TCF12: variants seen among roughly 807,000 people sequenced by gnomAD.
TCF12 encodes transcription factor 12.
In TCF12, 45 loss-of-function variants were observed where a neutral mutation model predicts 86.0. That is an observed-to-expected ratio of 0.52 (90% CI 0.41 to 0.67). The LOEUF (loss-of-function observed/expected upper bound fraction) is 0.67, where lower values mean the gene tolerates loss of function less well. Among genes scored for constraint, TCF12 ranks in the 30% least tolerant of loss-of-function variants. The pLI is 0.00. For missense variants in TCF12, 881 were observed against 859.9 expected (o/e 1.02, Z -0.31); for synonymous variants, 330 against 299.6 (o/e 1.10, Z -1.05).
chr15:57,004,002 G>A (rs957269749), intron 3 of TCF12, among the ~76,000 whole-genome samples: 2 of 152,202 alleles, frequency 1.3e-5, no homozygotes, highest in Admixed American at 1.3e-4. Flanking sequence ...TTCATTTTGA[G>A]GGATAGATGG....
chr15:57,263,993 T>C (rs1269952758), intron 18 of TCF12, among the ~76,000 whole-genome samples: 1 of 152,140 alleles, frequency 6.6e-6, no homozygotes, highest in Non-Finnish European at 1.5e-5. Flanking sequence ...TTGTAGACTT[T>C]ACAGACACTG....
At chr15:57,239,357 A>C (rs2059511331) in intron 12 of TCF12, among the ~76,000 whole-genome samples, 1 of 151,788 alleles carries the variant, frequency 6.6e-6, no homozygotes, top group Non-Finnish European at 1.5e-5. Context: ...ATCTCAAAAA[A>C]ACAAAGAGGA....
chr15:56,937,331 A>G (rs1220762878), intron 3 of TCF12, among the ~76,000 whole-genome samples: 2 of 149,854 alleles, frequency 1.3e-5, no homozygotes, highest in Non-Finnish European at 3.0e-5. Context: ...GTATACGTTA[A>G]TTTTGCTGAA....
At chr15:56,922,122 T>TA (rs2059821826) in intron 3 of TCF12, among the ~76,000 whole-genome samples, 1 of 151,968 alleles carries the variant, frequency 6.6e-6, no homozygotes, top group African/African-American at 2.4e-5. Context: ...TGAAAATTGT[T>TA]ACTTTTTGGG....
chr15:57,290,469 T>C (rs972800730), downstream of TCF12, among the ~76,000 whole-genome samples: 37 of 152,206 alleles, frequency 2.4e-4, no homozygotes, highest in Admixed American at 2.0e-3. Context: ...AAAGGATTTA[T>C]TAGGAGATGT....
intron 3 of TCF12, among the ~76,000 whole-genome samples, chr15:57,028,980 G>T (rs1428293161): frequency 6.6e-6 from 1 of 151,970 alleles, no homozygotes; most frequent in African/African-American, 2.4e-5. Context: ...TATATTTTTA[G>T]TAGAGACGGG....
intron 5 of TCF12, among the ~76,000 whole-genome samples, chr15:57,149,587 A>T (rs969329952): frequency 2.0e-4 from 31 of 152,382 alleles, no homozygotes; most frequent in African/African-American, 7.0e-4. Flanking sequence ...GCACAATATC[A>T]TAAAAACAGA....
intron 3 of TCF12, among the ~76,000 whole-genome samples, chr15:57,016,054 A>C (rs1364080369): frequency 6.6e-6 from 1 of 152,088 alleles, no homozygotes; most frequent in Non-Finnish European, 1.5e-5. Flanking sequence ...TACTTGGGGG[A>C]ATTTCCTGGA....
At chr15:56,993,781 A>G (rs991813626) in intron 3 of TCF12, among the ~76,000 whole-genome samples, 13 of 152,342 alleles carry the variant, frequency 8.5e-5, no homozygotes, top group African/African-American at 3.1e-4. Flanking sequence ...TAAAACAAAT[A>G]TATTACCAGT....
At chr15:56,974,400 T>G (rs1347195230) in intron 3 of TCF12, among the ~76,000 whole-genome samples, 1 of 152,078 alleles carries the variant, frequency 6.6e-6, no homozygotes, top group Non-Finnish European at 1.5e-5. Flanking sequence ...AGGTGAAGAC[T>G]CTATGGGGAT....
intron 5 of TCF12, among the ~76,000 whole-genome samples, chr15:57,126,943 A>G (rs1301232557): frequency 6.6e-6 from 1 of 150,756 alleles, no homozygotes; most frequent in African/African-American, 2.4e-5. Context: ...CAATAAATAT[A>G]TATTCTTTCT....
At chr15:57,087,562 A>G (rs1268636802) in intron 4 of TCF12, among the ~76,000 whole-genome samples, 1 of 152,070 alleles carries the variant, frequency 6.6e-6, no homozygotes, top group East Asian at 1.9e-4. Context: ...GAACATAGAG[A>G]AAAGTATGAA....
chr15:57,273,512 C>A (rs564653423), intron 19 of TCF12, among the ~76,000 whole-genome samples: 1 of 152,058 alleles, frequency 6.6e-6, no homozygotes, highest in Non-Finnish European at 1.5e-5. Flanking sequence ...ACAGCCTCTG[C>A]CTGCTGCTCA....
intron 5 of TCF12, among the ~76,000 whole-genome samples, chr15:57,124,051 G>A (rs2051450601): frequency 6.7e-6 from 1 of 150,088 alleles, no homozygotes; most frequent in Non-Finnish European, 1.5e-5. Context: ...CTGAGCTCAA[G>A]TGATCCCGCT....
Position 57,164,427 on chromosome 15 carries a change from C to T in TCF12, c.326-1975C>T, listed in dbSNP as rs1037834425. Among the ~76,000 whole-genome samples, 13 of 152,282 alleles carry T rather than the reference C, an allele frequency of 8.5e-5. No individual in the cohort carries two copies. In the East Asian group the frequency reaches 2.5e-3, roughly 29 times the overall value. On this transcript the variant is annotated intron_variant, in intron 5 of 20. Transcript: ENST00000333725. ...GCAGAAGGGGAAGCAAAAGTGTCCT[C>T]CTTCACATGGCAGCAGCAAGGAGAA...
chr15:57,071,874 G>A (rs1166520106), intron 4 of TCF12, among the ~76,000 whole-genome samples: 1 of 152,092 alleles, frequency 6.6e-6, no homozygotes, highest in Admixed American at 6.6e-5. Context: ...TGGAAATATG[G>A]AATGATGGAA....
rs1405891188 is a variant in TCF12 at position 57,286,645 on chromosome 15, G to T, written c.*500G>T. On this transcript the variant is annotated 3_prime_UTR_variant, in exon 21 of 21. Transcript: ENST00000333725. Reference sequence around the variant, plus strand: ...GAGAACAAAGCAGTGACAACCATTGGCCCTTAGCATTCCCGGCATACCTAT... The same window carrying T: ...GAGAACAAAGCAGTGACAACCATTGTCCCTTAGCATTCCCGGCATACCTAT... The T allele has an allele frequency of 4.4e-6, 2 of 456,694 alleles. No homozygotes were observed. The highest frequency in any genetic ancestry group is 4.7e-5 in the Admixed American group (2 of 42,564). The allele number at this position is 456,694 out of a possible 1,614,324, so 28.3% of individuals were successfully genotyped here. A position where few individuals can be genotyped will look rare whatever the true frequency, so the allele number is the denominator to read the frequency against.
In TCF12 at chr15:57,197,968, T is replaced by C. The variant is rs186338534; in HGVS notation, c.579+143T>C. Reference sequence around the variant, plus strand: ...GTTCAGTGCTTAACAAAATCATTGATTGAGGTAAATCCACATTTAATGTTT... The same window carrying C: ...GTTCAGTGCTTAACAAAATCATTGACTGAGGTAAATCCACATTTAATGTTT... On this transcript the variant is annotated intron_variant, in intron 8 of 20. Coordinates refer to ENST00000333725, the MANE Select transcript of TCF12 (RefSeq NM_207037.2). 10 of 792,230 alleles carry C rather than the reference T, an allele frequency of 1.3e-5. No homozygotes were observed. The Admixed American group carries it at 2.0e-4, about 16-fold the overall frequency. The allele number at this position is 792,230 out of a possible 1,614,324, so 49.1% of individuals were successfully genotyped here.
intron 6 of TCF12, among the ~76,000 whole-genome samples, chr15:57,170,721 AT>A (rs1387536715): frequency 0.031 from 811 of 26,148 alleles, 58 homozygotes; most frequent in African/African-American, 0.072. Flanking sequence ...TAATATATAT[AT>A]TATATATTAT....
Sources: allele counts gnomAD v4.1 joint callset (sites outside exome capture counted in the v4.1 genomes callset), GRCh38; gene constraint gnomAD v4.1.1; transcripts MANE v1.5; gene names NCBI Gene and HGNC (gene_info 2026-07-23, HGNC 2026-07-21).